Variants in GPR158 observed in about 807,000 individuals in gnomAD.
GPR158 encodes metabotropic glycine receptor.
Under a neutral mutation model 78.2 loss-of-function variants are expected in GPR158, and 30 were observed. That is an observed-to-expected ratio of 0.38 (90% CI 0.29 to 0.52). The LOEUF is 0.52. Among genes scored for constraint, GPR158 ranks in the 20% least tolerant of loss-of-function variants. The pLI is 0.83. For missense variants in GPR158, 1,463 were observed against 1,523.5 expected (o/e 0.96, Z 0.66); for synonymous variants, 581 against 591.1 (o/e 0.98, Z 0.25).
At position 25,597,799 on chromosome 10, in the gene GPR158, C is replaced by A; in HGVS notation, c.2173C>A (p.Leu725Met). ...CGAGCTGAAAAAACTCTATGCCCAACTGGAAATATATAAAAGAAAGAAGAT... is the reference window on the plus strand; with the variant it reads ...CGAGCTGAAAAAACTCTATGCCCAAATGGAAATATATAAAAGAAAGAAGAT... Reference protein sequence around the residue: ...RDELKKLYAQLEIYKRKKMIT... With the variant: ...RDELKKLYAQMEIYKRKKMIT... Residue 725 changes from leucine (L) to methionine (M), a missense_variant, in exon 11 of 11, where the codon CTG (leucine) becomes ATG (methionine). Leu to Met is a conservative substitution (Grantham distance 15, BLOSUM62 2). Coordinates refer to ENST00000376351, the MANE Select transcript of GPR158 (RefSeq NM_020752.3). 1 of 1,507,572 alleles carries A rather than the reference C, an allele frequency of 6.6e-7. No individual in the cohort carries two copies. The highest frequency in any genetic ancestry group is 8.9e-7 in the Non-Finnish European group (1 of 1,129,716). 93.4% of individuals were successfully genotyped at this position (1,507,572 alleles called of 1,614,324 possible). A position where few individuals can be genotyped will look rare whatever the true frequency, so the allele number is the denominator to read the frequency against.
intron 2 of GPR158, among the ~76,000 whole-genome samples, chr10:25,338,469 TTA>T (rs1855248979): frequency 5.1e-5 from 7 of 136,608 alleles, no homozygotes; most frequent in Non-Finnish European, 1.1e-4. Flanking sequence ...ATTACGTATA[TTA>T]TACGTATAAT....
intron 6 of GPR158, among the ~76,000 whole-genome samples, chr10:25,554,438 C>A (rs2130715468): frequency 6.6e-6 from 1 of 152,240 alleles, no homozygotes. Context: ...TCACCTGGGT[C>A]TCTCACTAAT....
intron 3 of GPR158, among the ~76,000 whole-genome samples, chr10:25,397,911 GGA>G (rs1316367961): frequency 6.6e-6 from 1 of 152,168 alleles, no homozygotes; most frequent in South Asian, 2.1e-4. Flanking sequence ...CAGACTGGAA[GGA>G]GAGAGAGAAT....
chr10:25,204,579 AG>A (rs1364222028), intron 1 of GPR158, among the ~76,000 whole-genome samples: 1 of 152,188 alleles, frequency 6.6e-6, no homozygotes, highest in Non-Finnish European at 1.5e-5. Flanking sequence ...ATGTTGAGCC[AG>A]GCTTGCATCC....
intron 5 of GPR158, among the ~76,000 whole-genome samples, chr10:25,472,357 T>A (rs1195454495): frequency 2.6e-5 from 4 of 152,192 alleles, no homozygotes; most frequent in Non-Finnish European, 2.9e-5. Flanking sequence ...GCTGTTTTGG[T>A]TACTGTAGCC....
At chr10:25,420,062 C>T (rs1397934859) in intron 4 of GPR158, among the ~76,000 whole-genome samples, 2 of 152,060 alleles carry the variant, frequency 1.3e-5, no homozygotes, top group East Asian at 3.8e-4. Flanking sequence ...ATATTAATCT[C>T]TTACTAGATA....
chr10:25,311,697 GC>G (rs757160070), intron 2 of GPR158, among the ~76,000 whole-genome samples: 1 of 151,822 alleles, frequency 6.6e-6, no homozygotes, highest in African/African-American at 2.4e-5. Flanking sequence ...ATTTTTGAGT[GC>G]CCCAAGACTT....
At chr10:25,238,874 C>T (rs933783747) in intron 2 of GPR158, among the ~76,000 whole-genome samples, 1 of 152,212 alleles carries the variant, frequency 6.6e-6, no homozygotes, top group Non-Finnish European at 1.5e-5. Flanking sequence ...TATTTAGCTT[C>T]ACACTTTATA....
At chr10:25,438,588 G>T (rs1835028860) in intron 4 of GPR158, among the ~76,000 whole-genome samples, 1 of 152,172 alleles carries the variant, frequency 6.6e-6, no homozygotes, top group Non-Finnish European at 1.5e-5. Flanking sequence ...AGCATCTTCA[G>T]TTACAAATGG....
chr10:25,232,218 C>T (rs1853458214), intron 2 of GPR158, among the ~76,000 whole-genome samples: 1 of 152,072 alleles, frequency 6.6e-6, no homozygotes. Context: ...ATATGAGAGG[C>T]AATCAGAATA....
At position 25,182,472 on chromosome 10, in the gene GPR158, G is replaced by A. The variant is rs557219231; in HGVS notation, c.902+6150G>A. On this transcript the variant is annotated intron_variant, in intron 1 of 10. Coordinates refer to ENST00000376351, the MANE Select transcript of GPR158 (RefSeq NM_020752.3). ...GGTTACATGTTGTGGTGTAGCAATG[G>A]TACAGGATTATCCTCCCATTTTCTA... is the stretch of plus-strand genomic sequence containing the variant. 3.3e-5 allele frequency among the ~76,000 whole-genome samples: 5 copies of A among 152,318 alleles called. No homozygotes were observed. The South Asian group carries it at 1.0e-3, about 32-fold the overall frequency.
At chr10:25,464,447 C>A (rs529150811) in intron 4 of GPR158, among the ~76,000 whole-genome samples, 1 of 152,190 alleles carries the variant, frequency 6.6e-6, no homozygotes, top group Non-Finnish European at 1.5e-5. Flanking sequence ...TTTTCAAATT[C>A]ATCATCCTGG....
At chr10:25,335,870 A>G (rs2130498351) in intron 2 of GPR158, among the ~76,000 whole-genome samples, 1 of 152,152 alleles carries the variant, frequency 6.6e-6, no homozygotes, top group South Asian at 2.1e-4. Context: ...AGGGTGTACT[A>G]GTTGTGTGTC....
At chr10:25,205,228 A>T (rs985849780) in intron 1 of GPR158, among the ~76,000 whole-genome samples, 1 of 151,432 alleles carries the variant, frequency 6.6e-6, no homozygotes, top group Admixed American at 6.6e-5. Context: ...AAATGGACTA[A>T]TACAGTCCCC....
At chr10:25,320,664 G>T (rs766575018) in intron 2 of GPR158, among the ~76,000 whole-genome samples, 5 of 152,148 alleles carry the variant, frequency 3.3e-5, no homozygotes, top group Non-Finnish European at 7.4e-5. Context: ...GTTGCTATTT[G>T]TCTCTACATA....
At chr10:25,426,192 C>T (rs892303133) in intron 4 of GPR158, among the ~76,000 whole-genome samples, 1 of 152,104 alleles carries the variant, frequency 6.6e-6, no homozygotes, top group Non-Finnish European at 1.5e-5. Context: ...TATGGTCTTG[C>T]TCTGGATTAA....
At chr10:25,473,474 T>G (rs1835538516) in intron 5 of GPR158, among the ~76,000 whole-genome samples, 1 of 152,182 alleles carries the variant, frequency 6.6e-6, no homozygotes, top group Admixed American at 6.5e-5. Context: ...CCTCATAAAA[T>G]GAGTTAGGGA....
chr10:25,335,818 A>G (rs575643369), intron 2 of GPR158, among the ~76,000 whole-genome samples: 1 of 152,196 alleles, frequency 6.6e-6, no homozygotes, highest in African/African-American at 2.4e-5. Flanking sequence ...GTTCCTAATA[A>G]TCTTTCAAAA....
At chr10:25,422,672 A>G (rs1834766874) in intron 4 of GPR158, among the ~76,000 whole-genome samples, 1 of 148,092 alleles carries the variant, frequency 6.8e-6, no homozygotes, top group Non-Finnish European at 1.5e-5. Context: ...TTCAGCTTGA[A>G]TTTTTTCCTG....
Sources: allele counts gnomAD v4.1 joint callset (sites outside exome capture counted in the v4.1 genomes callset), GRCh38; gene constraint gnomAD v4.1.1; transcripts MANE v1.5; gene names NCBI Gene and HGNC (gene_info 2026-07-23, HGNC 2026-07-21).